The following ZNF438 variants were observed in gnomAD, a reference collection of about 807,000 sequenced individuals.
The protein encoded by ZNF438 is zinc finger protein 438.
ZNF438 carries 25 observed loss-of-function variants against 38.0 expected under a neutral mutation model. That is an observed-to-expected ratio of 0.66 (90% confidence interval 0.48 to 0.92). The LOEUF is 0.92. ZNF438 is among the 40% of genes least tolerant of loss of function. The pLI is 0.00. For missense variants in ZNF438, 1,007 were observed against 999.6 expected (o/e 1.01, Z -0.10); for synonymous variants, 372 against 364.1 (o/e 1.02, Z -0.25).
At chr10:30,965,709 G>C (rs117730179) in intron 1 of ZNF438, among the ~76,000 whole-genome samples, 1 of 152,080 alleles carries the variant, frequency 6.6e-6, no homozygotes, top group Admixed American at 6.6e-5. Flanking sequence ...GAAACATTAC[G>C]TACACATGAA....
At chr10:30,942,897 G>A (rs1458630190) in intron 1 of ZNF438, among the ~76,000 whole-genome samples, 1 of 152,216 alleles carries the variant, frequency 6.6e-6, no homozygotes, top group Non-Finnish European at 1.5e-5. Flanking sequence ...AGCAAAAGAA[G>A]AGAGCGCCCT....
chr10:30,945,469 G>C (rs190239257), intron 1 of ZNF438, among the ~76,000 whole-genome samples: 1 of 149,354 alleles, frequency 6.7e-6, no homozygotes, highest in African/African-American at 2.5e-5. Flanking sequence ...AGTTACATAC[G>C]TATACATGTG....
chr10:30,909,560 C>T (rs891969282), intron 2 of ZNF438, among the ~76,000 whole-genome samples: 3 of 152,152 alleles, frequency 2.0e-5, no homozygotes, highest in Admixed American at 2.0e-4. Flanking sequence ...ATTTTCTTTT[C>T]CTACTCACTT....
At chr10:30,986,327 A>G (rs1021455621) in intron 1 of ZNF438, among the ~76,000 whole-genome samples, 1 of 152,204 alleles carries the variant, frequency 6.6e-6, no homozygotes, top group Non-Finnish European at 1.5e-5. Context: ...TAGGCGCAAT[A>G]TACAGCACTT....
intron 1 of ZNF438, among the ~76,000 whole-genome samples, chr10:30,973,198 C>T (rs186809123): frequency 6.6e-6 from 1 of 152,310 alleles, no homozygotes; most frequent in Non-Finnish European, 1.5e-5. Context: ...AGAACACAGT[C>T]AATCCCACAC....
At chr10:30,845,026 A>G in exon 6 of ZNF438, 1 of 1,614,122 alleles carries the variant, frequency 6.2e-7, no homozygotes, top group Non-Finnish European at 8.5e-7. Flanking sequence ...AAAATAGCCC[A>G]CAGTTTGGAA....
chr10:30,855,898 G>A (rs1472275476), intron 4 of ZNF438, among the ~76,000 whole-genome samples: 1 of 152,176 alleles, frequency 6.6e-6, no homozygotes, highest in African/African-American at 2.4e-5. Context: ...TTGGGTGGAG[G>A]GACCTGGAGG....
chr10:30,849,708 G>A (rs975640404), exon 5 of ZNF438: 10 of 1,614,092 alleles, frequency 6.2e-6, no homozygotes, highest in South Asian at 3.3e-5. Flanking sequence ...AGAGCTGTGA[G>A]GTCCTGCTTG....
At chr10:30,999,957 T>C (rs998873999) in intron 1 of ZNF438, among the ~76,000 whole-genome samples, 2 of 152,232 alleles carry the variant, frequency 1.3e-5, no homozygotes, top group South Asian at 2.1e-4. Context: ...TATTTGTCTT[T>C]TTAGAAGATG....
intron 1 of ZNF438, among the ~76,000 whole-genome samples, chr10:30,971,544 A>C (rs2050741642): frequency 6.6e-6 from 1 of 152,196 alleles, no homozygotes; most frequent in South Asian, 2.1e-4. Context: ...TTTTTTAACA[A>C]AGTATTCATG....
intron 2 of ZNF438, among the ~76,000 whole-genome samples, chr10:30,918,359 G>T (rs1265442078): frequency 6.6e-5 from 10 of 152,130 alleles, no homozygotes; most frequent in Non-Finnish European, 1.3e-4. Flanking sequence ...GATCAATTTT[G>T]AGGGAAATGT....
rs190619349 is a variant in ZNF438, at chr10:30,912,802, G to C, written c.-114-3787C>G. ...TTGGCTATTATCATTATTACTATTTGACCTTTCCTCTTGTGTGTCTCAAAG... is the reference window on the plus strand; with the variant it reads ...TTGGCTATTATCATTATTACTATTTCACCTTTCCTCTTGTGTGTCTCAAAG... On this transcript the variant is annotated intron_variant, in intron 2 of 5. Transcript: ENST00000413025. Among the ~76,000 whole-genome samples, 371 of 152,130 alleles carry C rather than the reference G, an allele frequency of 2.4e-3. 3 individuals are homozygous for C. Among genetic ancestry groups the C allele is most frequent in the African/African-American group, 8.4e-3 (348 of 41,494 alleles).
intron 1 of ZNF438, among the ~76,000 whole-genome samples, chr10:30,951,618 G>C (rs1357080782): frequency 6.6e-6 from 1 of 152,118 alleles, no homozygotes; most frequent in Non-Finnish European, 1.5e-5. Flanking sequence ...GACAAACAGA[G>C]AGCCAAATCA....
intron 1 of ZNF438, among the ~76,000 whole-genome samples, chr10:30,980,254 T>TAAA (rs368647419): frequency 0.075 from 10,265 of 136,104 alleles, 462 homozygotes; most frequent in Non-Finnish European, 0.1. Context: ...TGTTTAACAT[T>TAAA]AAAAAAAAAA....
intron 4 of ZNF438, among the ~76,000 whole-genome samples, chr10:30,866,977 G>A (rs766095070): frequency 3.3e-5 from 5 of 152,136 alleles, no homozygotes; most frequent in Non-Finnish European, 7.4e-5. Flanking sequence ...CGTTACATGC[G>A]TGGATAAAAG....
At chr10:31,027,777 G>A (rs536964100) in intron 1 of ZNF438, among the ~76,000 whole-genome samples, 28 of 152,210 alleles carry the variant, frequency 1.8e-4, no homozygotes, top group Admixed American at 3.3e-4. Context: ...CTACATTTAC[G>A]TTAGTAGAGG....
At chr10:31,007,590 T>C (rs2055282581) in intron 1 of ZNF438, among the ~76,000 whole-genome samples, 1 of 152,220 alleles carries the variant, frequency 6.6e-6, no homozygotes, top group African/African-American at 2.4e-5. Context: ...AGATCTTTTG[T>C]TTTTTGTTTG....
chr10:30,908,567 C>A (rs778811457), intron 3 of ZNF438, among the ~76,000 whole-genome samples: 2 of 152,148 alleles, frequency 1.3e-5, no homozygotes, highest in African/African-American at 4.8e-5. Flanking sequence ...CCAAGGAGAG[C>A]AAGGTAGGAA....
intron 4 of ZNF438, among the ~76,000 whole-genome samples, chr10:30,861,505 G>A (rs570795123): frequency 5.1e-4 from 77 of 151,798 alleles, no homozygotes; most frequent in African/African-American, 1.8e-3. Flanking sequence ...AATACTAGTG[G>A]CAATTAAAAA....
Sources: allele counts gnomAD v4.1 joint callset (sites outside exome capture counted in the v4.1 genomes callset), GRCh38; gene constraint gnomAD v4.1.1; transcripts MANE v1.5; gene names NCBI Gene and HGNC (gene_info 2026-07-23, HGNC 2026-07-21).